The following PLAA variants were observed in gnomAD, a reference collection of about 807,000 sequenced individuals.
PLAA encodes phospholipase A2 activating protein.
A neutral mutation model predicts 84.1 loss-of-function variants in PLAA; 48 were observed. The observed-to-expected ratio is 0.57, with a 90% CI of 0.45 to 0.73. The LOEUF is 0.73. Ranked by LOEUF, PLAA falls within the 30% of genes least tolerant of loss-of-function variation. The pLI is 0.00. For synonymous variants in PLAA, 392 were observed against 336.6 expected (o/e 1.16, Z -1.80); for missense variants, 903 against 954.7 (o/e 0.95, Z 0.71).
intron 4 of PLAA, 73 bp from the exon 5 acceptor site, chr9:26,926,633 A>C: frequency 9.9e-7 from 1 of 1,013,654 alleles, no homozygotes; most frequent in Non-Finnish European, 1.4e-6. Context: ...TTTTACTAAC[A>C]TTATAAAACA....
intron 11 of PLAA, among the ~76,000 whole-genome samples, chr9:26,912,313 T>G (rs911162880): frequency 1.3e-5 from 2 of 152,164 alleles, no homozygotes; most frequent in African/African-American, 4.8e-5. Flanking sequence ...TACTATTACA[T>G]GCTCAAGAAA....
rs1328484571 is a variant in PLAA, at chr9:26,903,672, T to C, written c.*1839A>G. On this transcript the variant is annotated 3_prime_UTR_variant, in exon 14 of 14. Coordinates refer to ENST00000397292, the MANE Select transcript of PLAA (RefSeq NM_001031689.3). ...AAAAAAGAAAATCTTTAAAATATCATTAAATTATTTAACATATCCTTCAAG... is the reference window on the plus strand; with the variant it reads ...AAAAAAGAAAATCTTTAAAATATCACTAAATTATTTAACATATCCTTCAAG... Among the ~76,000 whole-genome samples the C allele has an allele frequency of 6.6e-6, 1 of 152,168 alleles. No individual in the cohort carries two copies. Among genetic ancestry groups the C allele is most frequent in the African/African-American group, 2.4e-5 (1 of 41,452 alleles).
At chr9:26,931,415 C>A (rs1282572202) in intron 2 of PLAA, among the ~76,000 whole-genome samples, 1 of 152,074 alleles carries the variant, frequency 6.6e-6, no homozygotes, top group African/African-American at 2.4e-5. Flanking sequence ...CTAAAAATTA[C>A]CATTATGTGA....
chr9:26,939,250 T>C (rs1482957405), intron 1 of PLAA, among the ~76,000 whole-genome samples: 1 of 151,714 alleles, frequency 6.6e-6, no homozygotes, highest in African/African-American at 2.4e-5. Context: ...TAGCCAGGTG[T>C]GGTGGCAGGG....
chr9:26,905,588 G>A lies in PLAA; in HGVS notation c.2311C>T (p.Gln771Ter), dbSNP rs2131360659. The A allele has an allele frequency of 1.2e-6, 2 of 1,613,526 alleles. No homozygotes were observed. The highest frequency in any genetic ancestry group is 1.3e-5 in the African/African-American group (1 of 74,988). ...GATACTGAGGAATACTTTTTTATTT[G>A]AGAATCAACACCTAAAGACTTGGCT... is the stretch of plus-strand genomic sequence containing the variant. Reference protein sequence around the residue: ...QLAKSLGVDSQIKKYSSVSEP... With the variant: ...QLAKSLGVDS Residue 771 changes from glutamine (Q) to a stop codon, truncating the protein, a stop_gained, in exon 14 of 14, where the codon CAA (glutamine) becomes TAA (stop). Coordinates refer to ENST00000397292, the MANE Select transcript of PLAA (RefSeq NM_001031689.3). LOFTEE classifies it high-confidence loss of function.
chr9:26,911,023 T>A (rs952628477), intron 11 of PLAA, among the ~76,000 whole-genome samples: 2 of 152,134 alleles, frequency 1.3e-5, no homozygotes, highest in African/African-American at 4.8e-5. Flanking sequence ...AAGTTGTAAA[T>A]CCCTGAAGGA....
chr9:26,911,407 T>C (rs948817219), intron 11 of PLAA, among the ~76,000 whole-genome samples: 1 of 152,142 alleles, frequency 6.6e-6, no homozygotes, highest in African/African-American at 2.4e-5. Context: ...TGCCTTGGCC[T>C]CCCAAAGTGC....
At chr9:26,925,461 G>C (rs773614500) in intron 6 of PLAA, among the ~76,000 whole-genome samples, 1 of 152,160 alleles carries the variant, frequency 6.6e-6, no homozygotes, top group African/African-American at 2.4e-5. Context: ...ACAAAAATTT[G>C]CGTATCTTTT....
chr9:26,933,827 G>C (rs1187208001), intron 2 of PLAA, among the ~76,000 whole-genome samples: 2 of 147,962 alleles, frequency 1.4e-5, no homozygotes, highest in Non-Finnish European at 3.0e-5. Context: ...TTTGTTTTTA[G>C]AGACAGGGTC....
chr9:26,909,448 G>A (rs747992513), intron 12 of PLAA, among the ~76,000 whole-genome samples: 4 of 137,526 alleles, frequency 2.9e-5, no homozygotes, highest in Non-Finnish European at 4.9e-5. Context: ...TTATACTCTG[G>A]TAAGTATGTT....
At chr9:26,944,720 G>C (rs1299414043) in intron 1 of PLAA, among the ~76,000 whole-genome samples, 2 of 152,214 alleles carry the variant, frequency 1.3e-5, no homozygotes, top group African/African-American at 2.4e-5. Context: ...CAGGATATGA[G>C]AGACTAAATA....
At chr9:26,935,967 C>A (rs1825345860) in intron 1 of PLAA, among the ~76,000 whole-genome samples, 1 of 151,900 alleles carries the variant, frequency 6.6e-6, no homozygotes, top group African/African-American at 2.4e-5. Context: ...CACTTAGCAT[C>A]ACTGCCTTAC....
Position 26,905,638 on chromosome 9 carries a change from C to T in PLAA, c.2261G>A (p.Ser754Asn), listed in dbSNP as rs1206597535. ...TAATTGTACAGCATTTGAATCATCA[C>T]TGATAAGTGTTCCAAGAGCCACAAG... ...RLLVALGTLI[S>N]DDSNAVQLAK... The change falls in exon 14 of 14, where the codon AGT becomes AAT. Residue 754 changes from serine to asparagine, a missense_variant. Ser to Asn is a conservative substitution (Grantham distance 46). Coordinates refer to ENST00000397292, the MANE Select transcript of PLAA (RefSeq NM_001031689.3). 14 of 1,614,030 alleles carry T rather than the reference C, an allele frequency of 8.7e-6. No individual in the cohort carries two copies. The highest frequency in any genetic ancestry group is 6.7e-5 in the Admixed American group (4 of 60,000).
Position 26,905,731 on chromosome 9 carries a change from G to A in PLAA, c.2168C>T (p.Ala723Val). ...TGTGCTAATTAGTGACAAACATTGG[G>A]CTTTCCCTTCAATGTTATGGTCTTT... is the stretch of plus-strand genomic sequence containing the variant. ...FHKDHNIEGKAQCLSLISTIL... is the reference protein window; with the variant it reads ...FHKDHNIEGKVQCLSLISTIL... Residue 723 changes from alanine to valine, a missense_variant, in exon 14 of 14, where the codon GCC (alanine) becomes GTC (valine). By Grantham distance (64) the Ala-to-Val change is moderately conservative. Coordinates refer to ENST00000397292, the MANE Select transcript of PLAA (RefSeq NM_001031689.3). 4 of 1,613,810 alleles carry A rather than the reference G, an allele frequency of 2.5e-6. No individual in the cohort carries two copies. Among genetic ancestry groups the A allele is most frequent in the Non-Finnish European group, 2.5e-6 (3 of 1,179,732 alleles).
intron 1 of PLAA, among the ~76,000 whole-genome samples, chr9:26,936,764 C>T (rs1825371348): frequency 1.3e-5 from 2 of 152,162 alleles, no homozygotes; most frequent in Admixed American, 1.3e-4. Context: ...AACAAAGAGG[C>T]AGGCAGCCAT....
In PLAA at chr9:26,935,088, T is replaced by C; in HGVS notation, c.268A>G (p.Asn90Asp). 2 of 1,610,580 alleles carry C rather than the reference T, an allele frequency of 1.2e-6. No individual in the cohort carries two copies. Among genetic ancestry groups the C allele is most frequent in the African/African-American group, 1.3e-5 (1 of 74,852 alleles). Residue 90 changes from asparagine (N) to aspartate (D), a missense_variant, in exon 2 of 14, where the codon AAT becomes GAT. Asn to Asp is a conservative substitution (Grantham distance 23, BLOSUM62 1). Transcript: ENST00000397292. Reference sequence around the variant, plus strand: ...GAGAAAATGCATATATTGTGGTCATTTCCACCGGTGGCAATTAGGCCATGA... The same window carrying C: ...GAGAAAATGCATATATTGTGGTCATCTCCACCGGTGGCAATTAGGCCATGA... The part of the protein sequence containing the change: ...YPHGLIATGG[N>D]DHNICIFSLD...
intron 2 of PLAA, among the ~76,000 whole-genome samples, chr9:26,933,786 C>CT (rs1295054464): frequency 7.6e-5 from 7 of 92,224 alleles, no homozygotes; most frequent in Non-Finnish European, 1.1e-4. Flanking sequence ...GAGACTCTGC[C>CT]TCAAAAAAAA....
intron 7 of PLAA, among the ~76,000 whole-genome samples, chr9:26,921,286 C>G (rs1028567642): frequency 3.3e-5 from 5 of 152,176 alleles, no homozygotes; most frequent in Non-Finnish European, 7.3e-5. Flanking sequence ...AGACAGCTAT[C>G]CATCCTCCGA....
chr9:26,912,375 G>C (rs1417249092), intron 11 of PLAA, among the ~76,000 whole-genome samples: 1 of 152,172 alleles, frequency 6.6e-6, no homozygotes, highest in Non-Finnish European at 1.5e-5. Context: ...GGAATGTGGG[G>C]CAAGGCAAAA....
Sources: gnomAD v4.1 joint callset for allele counts (sites outside exome capture counted in the v4.1 genomes callset) on GRCh38, gnomAD v4.1.1 for gene constraint, MANE v1.5 for transcripts, NCBI Gene and HGNC (gene_info 2026-07-23, HGNC 2026-07-21) for gene names.